OTOGL: variants seen among roughly 807,000 people sequenced by gnomAD.
OTOGL encodes otogelin like.
OTOGL carries 285 observed loss-of-function variants against 318.5 expected under a neutral mutation model. That is an observed-to-expected ratio of 0.89 (90% CI 0.81 to 0.99). The LOEUF (loss-of-function observed/expected upper bound fraction) is 0.99. OTOGL is among the 50% of genes least tolerant of loss of function. The pLI is 0.00. For synonymous variants in OTOGL, 987 were observed against 936.5 expected (o/e 1.05, Z -0.99); for missense variants, 2,899 against 2,845.6 (o/e 1.02, Z -0.43).
intron 7 of OTOGL, among the ~76,000 whole-genome samples, chr12:80,223,529 T>G (rs955389028): frequency 2.6e-5 from 4 of 152,132 alleles, no homozygotes; most frequent in Non-Finnish European, 5.9e-5. Flanking sequence ...GTAGTTGTAC[T>G]AGTTTAAATT....
At chr12:80,197,717 A>C (rs965967655) in intron 1 of OTOGL, among the ~76,000 whole-genome samples, 1 of 152,238 alleles carries the variant, frequency 6.6e-6, no homozygotes, top group African/African-American at 2.4e-5. Context: ...CAAAGTATGG[A>C]TAAGCAAAGA....
chr12:80,301,672 C>T (rs1403720210), intron 27 of OTOGL, among the ~76,000 whole-genome samples: 1 of 151,588 alleles, frequency 6.6e-6, no homozygotes, highest in Non-Finnish European at 1.5e-5. Flanking sequence ...TCAGTTCACA[C>T]CCACCCCTTG....
At chr12:80,353,257 C>G (rs1889664784) in intron 45 of OTOGL, 68 bp from the exon 46 acceptor site, 1 of 1,171,986 alleles carries the variant, frequency 8.5e-7, no homozygotes, top group African/African-American at 1.6e-5. Flanking sequence ...TCTGACATTT[C>G]TTTCTTTTAC....
chr12:80,377,912 G>A lies in OTOGL; in HGVS notation c.6926G>A (p.Ser2309Asn), dbSNP rs149242532. ...ACCATATATAACATCAATATTGAAA[G>A]TCACCTAAGATTCTGCAAGTGTTGT... ...SATIYNINIE[S>N]HLRFCKCCRE... The change falls in exon 59 of 59, where the codon AGT (serine) becomes AAT (asparagine). Residue 2309 changes from serine (S) to asparagine (N), a missense_variant. Ser to Asn is a conservative substitution (Grantham distance 46, BLOSUM62 1). Coordinates refer to ENST00000547103, the MANE Select transcript of OTOGL (RefSeq NM_001378609.3). 9.8e-5 allele frequency: 158 copies of A among 1,611,144 alleles called. 1 individual carries two copies. Among genetic ancestry groups the A allele is most frequent in the Admixed American group, 5.5e-4 (33 of 59,644 alleles).
At chr12:80,284,876 G>T (rs1884496477) in intron 26 of OTOGL, among the ~76,000 whole-genome samples, 1 of 152,100 alleles carries the variant, frequency 6.6e-6, no homozygotes, top group Admixed American at 6.6e-5. Context: ...GAACTCTTTA[G>T]TTTAATTAGA....
In OTOGL at chr12:80,379,208, T is replaced by G. The variant is rs569034426; in HGVS notation, c.*1160T>G. The G allele has an allele frequency of 6.6e-6, 1 of 152,138 alleles. No homozygotes were observed. Among genetic ancestry groups the G allele is most frequent in the Admixed American group, 6.6e-5 (1 of 15,256 alleles). The allele number at this position is 152,138 out of a possible 1,614,324, so 9.4% of individuals were successfully genotyped here. On this transcript the variant is annotated 3_prime_UTR_variant, in exon 59 of 59. Transcript: ENST00000547103. Reference sequence around the variant, plus strand: ...CACCTATAATTAAAAATTGTCTGAATTTTCTCCTCAGTATAAAGGAGTGAA... The same window carrying G: ...CACCTATAATTAAAAATTGTCTGAAGTTTCTCCTCAGTATAAAGGAGTGAA...
At chr12:80,334,759 A>G (rs533968230) in intron 38 of OTOGL, among the ~76,000 whole-genome samples, 1 of 152,258 alleles carries the variant, frequency 6.6e-6, no homozygotes, top group East Asian at 1.9e-4. Context: ...GGATTTAGCA[A>G]TGTGAGTTGC....
chr12:80,307,907 G>C (rs1358584659), intron 29 of OTOGL, among the ~76,000 whole-genome samples: 2 of 138,832 alleles, frequency 1.4e-5, no homozygotes, highest in East Asian at 4.2e-4. Context: ...CGGGGCGGCT[G>C]GCCGGGCGGG....
Position 80,219,796 on chromosome 12 carries a change from T to C in OTOGL, c.236-18T>C. ...AATGGATGCCAGAAGATAACTTTTT[T>C]TTTTTTTTCCCCCTCAGGTTCTTGT... is the stretch of plus-strand genomic sequence containing the variant. On this transcript the variant is annotated intron_variant, in intron 5 of 58. Coordinates refer to ENST00000547103, the MANE Select transcript of OTOGL (RefSeq NM_001378609.3). 1 of 1,491,424 alleles carries C rather than the reference T, an allele frequency of 6.7e-7. No individual in the cohort carries two copies. The highest frequency in any genetic ancestry group is 9.2e-7 in the Non-Finnish European group (1 of 1,088,928). 92.4% of individuals were successfully genotyped at this position (1,491,424 alleles called of 1,614,324 possible).
At chr12:80,331,911 A>G (rs1888096952) in intron 37 of OTOGL, among the ~76,000 whole-genome samples, 1 of 152,132 alleles carries the variant, frequency 6.6e-6, no homozygotes, top group Non-Finnish European at 1.5e-5. Flanking sequence ...CAATAGAATC[A>G]GAGGAAAGAA....
intron 19 of OTOGL, among the ~76,000 whole-genome samples, chr12:80,263,574 C>A (rs1592627327): frequency 6.6e-6 from 1 of 152,094 alleles, no homozygotes; most frequent in African/African-American, 2.4e-5. Flanking sequence ...TGAAAATAAG[C>A]CTGTGAACTA....
At chr12:80,220,846 G>A (rs964494013) in intron 6 of OTOGL, among the ~76,000 whole-genome samples, 5 of 152,026 alleles carry the variant, frequency 3.3e-5, no homozygotes, top group African/African-American at 7.2e-5. Flanking sequence ...CTTGTTACAG[G>A]TGCTGTAAAG....
chr12:80,372,632 G>A (rs567155767), intron 57 of OTOGL, among the ~76,000 whole-genome samples: 137 of 151,592 alleles, frequency 9.0e-4, no homozygotes, highest in Non-Finnish European at 9.3e-4. Flanking sequence ...CATAATTAAA[G>A]CTATCTGAAT....
In OTOGL at chr12:80,188,537, C is replaced by CA. The variant is rs1188831194; in HGVS notation, c.-19-20866dup. 8.6e-3 allele frequency among the ~76,000 whole-genome samples: 1,252 copies of CA among 144,782 alleles called. 6 individuals are homozygous for CA. The highest frequency in any genetic ancestry group is 0.013 in the Non-Finnish European group (836 of 66,052). The allele number at this position is 144,782 out of a possible 152,430, so 95.0% of individuals were successfully genotyped here. On this transcript the variant is annotated intron_variant, in intron 1 of 58. Transcript: ENST00000547103. ...TGGGCGACAGAGTGAGACTCTGTCTCAAAAAAAAAATAATAATAATAATAA... is the reference window on the plus strand; with the variant it reads ...TGGGCGACAGAGTGAGACTCTGTCTCAAAAAAAAAAATAATAATAATAATAA...
At chr12:80,221,351 G>A (rs988849039) in intron 6 of OTOGL, among the ~76,000 whole-genome samples, 2 of 147,978 alleles carry the variant, frequency 1.4e-5, no homozygotes, top group Non-Finnish European at 3.0e-5. Context: ...TGCAACCTCC[G>A]CCTCCTGGGT....
intron 1 of OTOGL, among the ~76,000 whole-genome samples, chr12:80,150,354 T>C (rs1344125188): frequency 6.6e-6 from 1 of 152,228 alleles, no homozygotes; most frequent in Non-Finnish European, 1.5e-5. Context: ...AATTTCTTAT[T>C]CAATAAAAAT....
intron 32 of OTOGL, 139 bp downstream of exon 32, chr12:80,314,470 T>G (rs1419749772): frequency 3.3e-6 from 1 of 303,918 alleles, no homozygotes; most frequent in Non-Finnish European, 6.1e-6. Context: ...GCTTTTAATT[T>G]TTAAAATTTT....
intron 1 of OTOGL, among the ~76,000 whole-genome samples, chr12:80,193,544 G>T (rs963412960): frequency 6.6e-6 from 1 of 151,558 alleles, no homozygotes; most frequent in Non-Finnish European, 1.5e-5. Context: ...ATAATAATAA[G>T]GTTAGCATAT....
At chr12:80,349,214 G>T (rs765065870) in intron 44 of OTOGL, among the ~76,000 whole-genome samples, 1 of 152,152 alleles carries the variant, frequency 6.6e-6, no homozygotes, top group African/African-American at 2.4e-5. Context: ...CAGAGATCAG[G>T]TTGGAAGAGT....
Sources: gnomAD v4.1 joint callset for allele counts (sites outside exome capture counted in the v4.1 genomes callset) on GRCh38, gnomAD v4.1.1 for gene constraint, MANE v1.5 for transcripts, NCBI Gene and HGNC (gene_info 2026-07-23, HGNC 2026-07-21) for gene names.